FBLN1: variants seen among roughly 807,000 people sequenced by gnomAD.
The protein encoded by FBLN1 is fibulin 1, also known as fibulin-1.
Under a neutral mutation model 89.7 loss-of-function variants are expected in FBLN1, and 34 were observed. That is an observed-to-expected ratio of 0.38 (90% CI 0.29 to 0.50). The LOEUF (loss-of-function observed/expected upper bound fraction) is 0.50, where lower values mean the gene tolerates loss of function less well. Among genes scored for constraint, FBLN1 ranks in the 20% least tolerant of loss-of-function variants. The pLI is 0.92. For missense variants in FBLN1, 777 were observed against 988.1 expected, an observed-to-expected ratio of 0.79 and a Z score of 2.86; for synonymous variants, 393 against 391.3, an observed-to-expected ratio of 1.00 and a Z score of -0.05.
intron 1 of FBLN1, among the ~76,000 whole-genome samples, chr22:45,510,330 T>C (rs1233627946): frequency 6.6e-6 from 1 of 152,024 alleles, no homozygotes; most frequent in Non-Finnish European, 1.5e-5. Flanking sequence ...CCAGTGGAAA[T>C]TTTGCCAGAG....
chr22:45,567,554 T>C (rs2088910009), intron 14 of FBLN1, among the ~76,000 whole-genome samples: 1 of 152,068 alleles, frequency 6.6e-6, no homozygotes, highest in African/African-American at 2.4e-5. Context: ...ATACAGAGAT[T>C]CCAGTGAGCC....
rs10714602 is a variant in FBLN1 at position 45,588,813 on chromosome 22, C to CAAAAA, written c.1973-11483_1973-11479dup. On this transcript the variant is annotated intron_variant, in intron 16 of 16. Transcript: ENST00000327858. This position sits in a 1 kb window ranked among gnomAD's most constrained non-coding sequence, Gnocchi z 5.1. ...GTAGAGGCATGTTGTGCAAAATTAGCAAAAAAAAAAAAAAAGGAATGACGA... is the reference window on the plus strand; with the variant it reads ...GTAGAGGCATGTTGTGCAAAATTAGCAAAAAAAAAAAAAAAAAAAAGGAATGACGA... 1.4e-5 allele frequency among the ~76,000 whole-genome samples: 2 copies of CAAAAA among 138,796 alleles called. No individual in the cohort carries two copies. Among genetic ancestry groups the CAAAAA allele is most frequent in the African/African-American group, 5.3e-5 (2 of 38,038 alleles). 91.1% of individuals were successfully genotyped at this position (138,796 alleles called of 152,430 possible).
chr22:45,531,260 C>G lies in FBLN1; in HGVS notation c.485-5C>G. On this transcript the variant is annotated splice_polypyrimidine_tract_variant and splice_region_variant and intron_variant, in intron 4 of 16. Transcript: ENST00000327858. The surrounding 1 kb of genome is among the most constrained non-coding windows in gnomAD (Gnocchi z 4.9). Reference sequence around the variant, plus strand: ...AATGTCTGACTTGGTCTTTTTCCCCCTTAGATAAGATCATTGAGGTTGAGG... The same window carrying G: ...AATGTCTGACTTGGTCTTTTTCCCCGTTAGATAAGATCATTGAGGTTGAGG... The G allele has an allele frequency of 6.2e-7, 1 of 1,613,646 alleles. No homozygotes were observed.
In FBLN1 at chr22:45,550,607, C is replaced by T. The variant is rs375701490; in HGVS notation, c.1689C>T (p.Ser563=). The T allele has an allele frequency of 1.7e-5, 28 of 1,613,960 alleles. No individual in the cohort carries two copies. Among genetic ancestry groups the T allele is most frequent in the Middle Eastern group, 1.6e-4 (1 of 6,084 alleles). Residue 563 remains serine, a synonymous_variant, in exon 14 of 17, where the codon TCC becomes TCT. Coordinates refer to ENST00000327858, the MANE Select transcript of FBLN1 (RefSeq NM_006486.3). This position sits in a 1 kb window ranked among gnomAD's most constrained non-coding sequence, Gnocchi z 8.4. The part of the protein sequence containing the change: ...AFECPENYRR[S]AATLQQEKTD... ...AGTGCCCTGAGAACTACCGCCGCTC[C>T]GCAGCCACGTAAGTCCCTTGGACCA...
At chr22:45,589,690 G>A (rs1027454659) in intron 16 of FBLN1, among the ~76,000 whole-genome samples, 26 of 152,220 alleles carry the variant, frequency 1.7e-4, no homozygotes, top group South Asian at 1.7e-3. Context: ...CGGCTCCCAT[G>A]GCTCCAGGAG....
intron 2 of FBLN1, among the ~76,000 whole-genome samples, chr22:45,524,573 C>T (rs1465268289): frequency 2.0e-5 from 3 of 152,146 alleles, no homozygotes; most frequent in Admixed American, 6.5e-5. Context: ...TTGCTCTGAG[C>T]CTGGAAGATG....
At chr22:45,573,136 G>T (rs1026055984) in intron 14 of FBLN1, among the ~76,000 whole-genome samples, 5 of 152,114 alleles carry the variant, frequency 3.3e-5, no homozygotes, top group Admixed American at 6.6e-5. Flanking sequence ...TGAGGCAGGA[G>T]AATTGCTTGA....
chr22:45,555,975 C>A (rs2088783177), intron 14 of FBLN1, among the ~76,000 whole-genome samples: 1 of 152,128 alleles, frequency 6.6e-6, no homozygotes, highest in Non-Finnish European at 1.5e-5. Flanking sequence ...TGTATACATG[C>A]ACAAACATTT....
At chr22:45,544,671 A>T (rs1161754499) in intron 11 of FBLN1, among the ~76,000 whole-genome samples, 1 of 152,184 alleles carries the variant, frequency 6.6e-6, no homozygotes, top group Non-Finnish European at 1.5e-5. Flanking sequence ...AGGCATGTCA[A>T]GGGGGCTGGG....
At chr22:45,503,694 C>G (rs1358728166) in intron 1 of FBLN1, among the ~76,000 whole-genome samples, 2 of 152,320 alleles carry the variant, frequency 1.3e-5, no homozygotes, top group East Asian at 3.9e-4. Context: ...CCCTGCCTCC[C>G]TCCCGGGACA....
rs529270830 is a variant in FBLN1 at position 45,548,508 on chromosome 22, G to A, written c.1442-105G>A. Reference sequence around the variant, plus strand: ...TCCTGTGTTCAGCTTGTCCTGTGCTGCTGCCCTCCCGGGCCCCAGTGCAGC... The same window carrying A: ...TCCTGTGTTCAGCTTGTCCTGTGCTACTGCCCTCCCGGGCCCCAGTGCAGC... On this transcript the variant is annotated intron_variant, in intron 12 of 16. Coordinates refer to ENST00000327858, the MANE Select transcript of FBLN1 (RefSeq NM_006486.3). 6.7e-6 allele frequency: 10 copies of A among 1,497,080 alleles called. No homozygotes were observed. The African/African-American group carries it at 1.2e-4, about 19-fold the overall frequency. The allele number at this position is 1,497,080 out of a possible 1,614,324, so 92.7% of individuals were successfully genotyped here. A position where few individuals can be genotyped will look rare whatever the true frequency, so the allele number is the denominator to read the frequency against.
intron 2 of FBLN1, 21 bp downstream of exon 2, chr22:45,518,808 T>C (rs747538164): frequency 6.4e-7 from 1 of 1,562,242 alleles, no homozygotes. Context: ...CAGTGGCCAC[T>C]GTTTCACTGG....
intron 1 of FBLN1, among the ~76,000 whole-genome samples, chr22:45,505,295 A>G (rs1325462313): frequency 6.6e-6 from 1 of 152,224 alleles, no homozygotes; most frequent in Non-Finnish European, 1.5e-5. Flanking sequence ...TGATTAAAAG[A>G]AAGTTGGGAG....
chr22:45,536,497 GC>G lies in FBLN1; in HGVS notation c.922+1161del, dbSNP rs1327864894. On this transcript the variant is annotated intron_variant, in intron 8 of 16. Transcript: ENST00000327858. The surrounding 1 kb of genome is among the most constrained non-coding windows in gnomAD (Gnocchi z 5.1). ...AAAGAAACTCTGGCCAGGCACGGTG[GC>G]TCACACTTGTAATCCCAGCACTTTG... 6.6e-6 allele frequency among the ~76,000 whole-genome samples: 1 copy of G among 152,176 alleles called. No individual in the cohort carries two copies. Among genetic ancestry groups the G allele is most frequent in the African/African-American group, 2.4e-5 (1 of 41,440 alleles).
At chr22:45,544,449 G>A (rs919485177) in intron 11 of FBLN1, among the ~76,000 whole-genome samples, 23 of 152,156 alleles carry the variant, frequency 1.5e-4, no homozygotes, top group African/African-American at 5.1e-4. Flanking sequence ...GAAGCACCCT[G>A]GCCTTCCGGA....
At chr22:45,572,000 C>T (rs926241433) in intron 14 of FBLN1, among the ~76,000 whole-genome samples, 1 of 151,804 alleles carries the variant, frequency 6.6e-6, no homozygotes, top group African/African-American at 2.4e-5. Flanking sequence ...GTGGTGGTGC[C>T]CGCCTGTAAT....
In FBLN1 at chr22:45,577,907, C is replaced by G. The variant is rs955556601; in HGVS notation, c.1972+799C>G. The G allele has an allele frequency of 1.3e-5, 2 of 153,730 alleles. No homozygotes were observed. Among genetic ancestry groups the G allele is most frequent in the Non-Finnish European group, 2.9e-5 (2 of 69,200 alleles). 9.5% of individuals were successfully genotyped at this position (153,730 alleles called of 1,614,324 possible). A position where few individuals can be genotyped will look rare whatever the true frequency, so the allele number is the denominator to read the frequency against. On this transcript the variant is annotated intron_variant, in intron 16 of 16. Coordinates refer to ENST00000327858, the MANE Select transcript of FBLN1 (RefSeq NM_006486.3). This position sits in a 1 kb window ranked among gnomAD's most constrained non-coding sequence, Gnocchi z 6.6. ...CACGCTTGTTTCTGTCATTCACAGC[C>G]CCTCTCCTGAACTGTCACATTTTAA...
intron 9 of FBLN1, among the ~76,000 whole-genome samples, chr22:45,541,798 C>T (rs925244973): frequency 1.3e-5 from 2 of 152,092 alleles, no homozygotes; most frequent in African/African-American, 4.8e-5. Context: ...TTCCCTCTGC[C>T]CACCTGCTCC....
intron 14 of FBLN1, chr22:45,551,121 G>C (rs2088695709): frequency 4.1e-6 from 1 of 245,140 alleles, no homozygotes; most frequent in African/African-American, 2.2e-5. Context: ...AAAGATTCCA[G>C]ATCCTAAACG....
Sources: gnomAD v4.1 joint callset for allele counts (sites outside exome capture counted in the v4.1 genomes callset) on GRCh38, gnomAD v4.1.1 for gene constraint, Gnocchi (gnomAD v3.1) non-coding constraint, MANE v1.5 for transcripts, NCBI Gene and HGNC (gene_info 2026-07-23, HGNC 2026-07-21) for gene names.